Variants in IGSF10 observed in about 807,000 individuals in gnomAD.
IGSF10 encodes calvaria mechanical force protein 608.
A neutral mutation model predicts 128.2 loss-of-function variants in IGSF10; 126 were observed. The observed-to-expected ratio is 0.98, with a 90% CI of 0.85 to 1.14. The LOEUF (loss-of-function observed/expected upper bound fraction) is 1.14. Among genes scored for constraint, IGSF10 ranks in the 50% most tolerant of loss-of-function variants. The pLI is 0.00. For synonymous variants in IGSF10, 1,185 were observed against 1,146.2 expected, an observed-to-expected ratio of 1.03 and a Z score of -0.68; for missense variants, 3,295 against 3,149.8, an observed-to-expected ratio of 1.05 and a Z score of -1.10.
chr3:151,575,035 G>T, the IGSF10 span, among the ~76,000 whole-genome samples: 94 of 152,306 alleles, frequency 6.2e-4, no homozygotes, highest in African/African-American at 2.0e-3. Context: ...GTTTGCCTGG[G>T]TATTGCCAGT....
the IGSF10 span, among the ~76,000 whole-genome samples, chr3:151,560,159 G>A: frequency 6.6e-6 from 1 of 152,026 alleles, no homozygotes; most frequent in Non-Finnish European, 1.5e-5. Context: ...ACACAAGAGT[G>A]GCTCTTAATA....
chr3:151,531,250 A>T, the IGSF10 span, among the ~76,000 whole-genome samples: 1 of 152,154 alleles, frequency 6.6e-6, no homozygotes, highest in Non-Finnish European at 1.5e-5. Flanking sequence ...GGAGACTTTA[A>T]CACCCCACTG....
chr3:151,612,034 A>C, the IGSF10 span, among the ~76,000 whole-genome samples: 1 of 152,200 alleles, frequency 6.6e-6, no homozygotes, highest in African/African-American at 2.4e-5. Flanking sequence ...AGCCAACAAA[A>C]TGGATAATAG....
At chr3:151,526,849 A>G in the IGSF10 span, among the ~76,000 whole-genome samples, 1 of 152,082 alleles carries the variant, frequency 6.6e-6, no homozygotes, top group Admixed American at 6.6e-5. Flanking sequence ...CCTCTGTATC[A>G]GGTGCTTGGG....
chr3:151,515,482 G>GT, the IGSF10 span, among the ~76,000 whole-genome samples: 2 of 106,858 alleles, frequency 1.9e-5, no homozygotes, highest in Non-Finnish European at 3.7e-5. Context: ...GGTGGGGGGA[G>GT]GGGGGAGGGA....
chr3:151,463,099 G>T (rs1722124297), upstream of IGSF10, among the ~76,000 whole-genome samples: 1 of 152,152 alleles, frequency 6.6e-6, no homozygotes, highest in African/African-American at 2.4e-5. Flanking sequence ...TCATTTTCTT[G>T]CTATCAATTT....
chr3:151,491,349 G>A, the IGSF10 span, among the ~76,000 whole-genome samples: 3 of 152,120 alleles, frequency 2.0e-5, no homozygotes, highest in African/African-American at 7.2e-5. Context: ...GGCCATGGCA[G>A]GTGGATTACT....
At chr3:151,453,298 ACC>A (rs1435487017) in intron 5 of IGSF10, 84 bp downstream of exon 5, 1 of 1,018,226 alleles carries the variant, frequency 9.8e-7, no homozygotes, top group African/African-American at 1.6e-5. Context: ...CTCCTAAATT[ACC>A]CTGGGCTCTC....
the IGSF10 span, among the ~76,000 whole-genome samples, chr3:151,548,568 AT>A: frequency 1.2e-4 from 18 of 152,224 alleles, no homozygotes; most frequent in African/African-American, 4.3e-4. Context: ...TTTTAAAAAC[AT>A]TTTTGAAAGC....
Position 151,443,241 on chromosome 3 carries a change from C to T in IGSF10, c.5706G>A (p.Leu1902=). The change falls in exon 7 of 8, where the codon TTG becomes TTA. Residue 1902 remains leucine (L), a synonymous_variant. Transcript: ENST00000282466. ...CTGAAGAGGCTAGGTTTCTTATATACAAAGTCCCATTTGAAAATAAGAACA... is the reference window on the plus strand; with the variant it reads ...CTGAAGAGGCTAGGTTTCTTATATATAAAGTCCCATTTGAAAATAAGAACA... ...SKLFLFSNGT[L]YIRNLASSDR... 3 of 1,612,124 alleles carry T rather than the reference C, an allele frequency of 1.9e-6. No individual in the cohort carries two copies. Among genetic ancestry groups the T allele is most frequent in the Non-Finnish European group, 2.5e-6 (3 of 1,178,948 alleles).
chr3:151,522,947 C>G, the IGSF10 span, among the ~76,000 whole-genome samples: 1 of 152,036 alleles, frequency 6.6e-6, no homozygotes, highest in Non-Finnish European at 1.5e-5. Flanking sequence ...TAGTCTCAAC[C>G]CAAAATCTCG....
chr3:151,489,111 C>A, the IGSF10 span, among the ~76,000 whole-genome samples: 1 of 152,106 alleles, frequency 6.6e-6, no homozygotes, highest in East Asian at 1.9e-4. Flanking sequence ...CTACAAAGAA[C>A]TGAAACAAAT....
the IGSF10 span, among the ~76,000 whole-genome samples, chr3:151,511,461 G>A: frequency 1.3e-5 from 2 of 152,174 alleles, no homozygotes; most frequent in Non-Finnish European, 2.9e-5. Context: ...AGCTCCTGAA[G>A]GAAGCACTAA....
At chr3:151,457,290 A>G in intron 3 of IGSF10, 135 bp from the exon 4 acceptor site, 1 of 837,408 alleles carries the variant, frequency 1.2e-6, no homozygotes, top group Non-Finnish European at 1.8e-6. Context: ...CAAATGCTTC[A>G]AAAACTGAAA....
At chr3:151,547,455 CA>C in the IGSF10 span, among the ~76,000 whole-genome samples, 3 of 151,604 alleles carry the variant, frequency 2.0e-5, no homozygotes, top group Admixed American at 6.6e-5. Context: ...CACACACACA[CA>C]CACGTTATTC....
downstream of IGSF10, chr3:151,432,962 A>C: frequency 1.7e-6 from 1 of 580,928 alleles, no homozygotes; most frequent in Non-Finnish European, 2.9e-6. Context: ...AAAGGTGTTT[A>C]AACAAAAAGC....
the IGSF10 span, among the ~76,000 whole-genome samples, chr3:151,598,709 T>A: frequency 6.6e-6 from 1 of 152,070 alleles, no homozygotes; most frequent in Non-Finnish European, 1.5e-5. Flanking sequence ...CAACCATCTA[T>A]TTTTTTTAAA....
the IGSF10 span, among the ~76,000 whole-genome samples, chr3:151,547,512 C>T: frequency 6.6e-6 from 1 of 151,870 alleles, no homozygotes; most frequent in African/African-American, 2.4e-5. Flanking sequence ...TCAGTATAGA[C>T]ATCATGTATT....
At chr3:151,490,625 G>A in the IGSF10 span, among the ~76,000 whole-genome samples, 1 of 151,772 alleles carries the variant, frequency 6.6e-6, no homozygotes, top group African/African-American at 2.4e-5. Context: ...GTATGTAAAG[G>A]CCACAAAACA....
Sources: gnomAD v4.1 joint callset for allele counts (sites outside exome capture counted in the v4.1 genomes callset) on GRCh38, gnomAD v4.1.1 for gene constraint, MANE v1.5 for transcripts, NCBI Gene and HGNC (gene_info 2026-07-23, HGNC 2026-07-21) for gene names.